Variants in ZNF214 observed in about 807,000 individuals in gnomAD.
ZNF214 encodes the protein zinc finger protein 214, also known as BWSCR2-associated zinc finger protein 1.
In ZNF214, 43 loss-of-function variants were observed where a neutral mutation model predicts 53.9. The observed-to-expected ratio is 0.80, with a 90% CI of 0.63 to 1.03. The LOEUF is 1.03. Ranked by LOEUF, ZNF214 falls within the 50% of genes least tolerant of loss-of-function variation. The pLI, the probability that ZNF214 is intolerant of heterozygous loss-of-function variation, is 0.00. For synonymous variants in ZNF214, 217 were observed against 229.5 expected, an observed-to-expected ratio of 0.95 and a Z score of 0.49; for missense variants, 724 against 719.1, an observed-to-expected ratio of 1.01 and a Z score of -0.08.
rs932489726 is a variant in ZNF214 at position 7,000,973 on chromosome 11, T to G, written c.710A>C (p.His237Pro). The change falls in exon 3 of 3, where the codon CAC becomes CCC. Residue 237 changes from histidine (H) to proline (P), a missense_variant. Coordinates refer to ENST00000278314, the MANE Select transcript of ZNF214 (RefSeq NM_013249.4). ...GTTTTCTCCAGGTTGATTTCTCTTGTGGAAAACACACCGTGAGTTCCAATA... is the reference window on the plus strand; with the variant it reads ...GTTTTCTCCAGGTTGATTTCTCTTGGGGAAAACACACCGTGAGTTCCAATA... ...IYYWNSRCVFHKRNQPGENLC... is the reference protein window; with the variant it reads ...IYYWNSRCVFPKRNQPGENLC... The G allele has an allele frequency of 3.7e-5, 59 of 1,612,942 alleles. No homozygotes were observed. The highest frequency in any genetic ancestry group is 1.0e-4 in the Admixed American group (6 of 59,858).
At chr11:7,015,059 AAG>A (rs1214500191) in intron 1 of ZNF214, among the ~76,000 whole-genome samples, 1 of 145,890 alleles carries the variant, frequency 6.9e-6, no homozygotes, top group East Asian at 1.9e-4. Flanking sequence ...AGTATACAAA[AAG>A]AGTTCAGACA....
At chr11:7,014,804 CA>C (rs1280725156) in intron 1 of ZNF214, among the ~76,000 whole-genome samples, 14,637 of 64,260 alleles carry the variant, frequency 0.23, 955 homozygotes, top group African/African-American at 0.3. Context: ...CTGTCTCTAA[CA>C]AAAAAAAAAA....
rs1356211885 is a variant in ZNF214, at chr11:6,998,665, T to C, written c.*1197A>G. Among the ~76,000 whole-genome samples, 3 of 152,106 alleles carry C rather than the reference T, an allele frequency of 2.0e-5. No homozygotes were observed. In the East Asian group the frequency reaches 5.8e-4, roughly 29 times the overall value. On this transcript the variant is annotated 3_prime_UTR_variant, in exon 3 of 3. Transcript: ENST00000278314. ...CTCTTCTCTACTTGTATATTTCTAC[T>C]CTATCTTTACTGAGTTCAGATTCTC...
intron 1 of ZNF214, among the ~76,000 whole-genome samples, chr11:7,014,032 C>A (rs1202006250): frequency 1.3e-5 from 2 of 152,062 alleles, no homozygotes; most frequent in Admixed American, 1.3e-4. Context: ...ATATCTTAAA[C>A]CCAAAGATAA....
rs750265398 is a variant in ZNF214, at chr11:7,000,193, G to A, written c.1490C>T (p.Pro497Leu). Residue 497 changes from proline to leucine, a missense_variant, in exon 3 of 3, where the codon CCC (proline) becomes CTC (leucine). Pro to Leu is a moderately conservative substitution (Grantham distance 98). Transcript: ENST00000278314. Reference protein sequence around the residue: ...THQRVHTGEKPYKCEECGKGF... With the variant: ...THQRVHTGEKLYKCEECGKGF... ...CTTGCCACACTCTTCACATTTGTAG[G>A]GTTTCTCTCCAGTATGTACTCTTTG... 1.2e-6 allele frequency: 2 copies of A among 1,613,218 alleles called. No individual in the cohort carries two copies. Among genetic ancestry groups the A allele is most frequent in the South Asian group, 1.1e-5 (1 of 91,046 alleles).
chr11:7,008,789 C>A (rs367908465), intron 1 of ZNF214, among the ~76,000 whole-genome samples: 1 of 152,132 alleles, frequency 6.6e-6, no homozygotes, highest in East Asian at 1.9e-4. Context: ...TATATACCAA[C>A]AACATCCAAG....
intron 1 of ZNF214, among the ~76,000 whole-genome samples, chr11:7,012,916 G>T (rs1435449029): frequency 6.6e-6 from 1 of 151,962 alleles, no homozygotes; most frequent in African/African-American, 2.4e-5. Flanking sequence ...ACAAATTCAG[G>T]AGTGGCTTAG....
chr11:7,010,837 T>G (rs1377127995), intron 1 of ZNF214, among the ~76,000 whole-genome samples: 1 of 150,694 alleles, frequency 6.6e-6, no homozygotes. Flanking sequence ...ACTTTTGACA[T>G]AAGATTTTTC....
At chr11:7,019,682 C>T (rs1851864868) in intron 1 of ZNF214, 1 of 152,208 alleles carries the variant, frequency 6.6e-6, no homozygotes, top group Non-Finnish European at 1.5e-5. Context: ...AGTTTCCTTA[C>T]CTGTAAAATG....
chr11:7,007,115 G>T (rs1288529978), intron 1 of ZNF214, among the ~76,000 whole-genome samples: 7 of 151,850 alleles, frequency 4.6e-5, no homozygotes, highest in Admixed American at 4.6e-4. Context: ...ATATAAGAGT[G>T]TGCTAAAGTC....
At chr11:7,012,679 A>G (rs892651945) in intron 1 of ZNF214, among the ~76,000 whole-genome samples, 16 of 152,224 alleles carry the variant, frequency 1.1e-4, no homozygotes, top group African/African-American at 3.9e-4. Flanking sequence ...AAATTTTCAA[A>G]GAACAGATTA....
In ZNF214 at chr11:7,000,154, C is replaced by T. The variant is rs148609230; in HGVS notation, c.1529G>A (p.Arg510His). ...CEECGKGFSQ[R>H]SHLLIHQRVH... ...TCTCTGATGAATGAGAAGATGTGAA[C>T]GCTGACTGAATCCCTTGCCACACTC... Residue 510 changes from arginine (R) to histidine (H), a missense_variant, in exon 3 of 3, where the codon CGT becomes CAT. Arg to His is a conservative substitution (Grantham distance 29). Coordinates refer to ENST00000278314, the MANE Select transcript of ZNF214 (RefSeq NM_013249.4). The T allele has an allele frequency of 1.5e-4, 246 of 1,613,284 alleles. 4 individuals are homozygous for T. The highest frequency in any genetic ancestry group is 1.3e-3 in the African/African-American group (101 of 74,940).
chr11:7,001,632 C>T (rs2133383750), intron 2 of ZNF214, 77 bp from the exon 3 acceptor site: 1 of 1,468,782 alleles, frequency 6.8e-7, no homozygotes, highest in Non-Finnish European at 9.1e-7. Context: ...AATCAATGAC[C>T]TTTAAATGAT....
intron 1 of ZNF214, among the ~76,000 whole-genome samples, chr11:7,015,612 T>C (rs1280216054): frequency 1.3e-5 from 2 of 151,822 alleles, no homozygotes; most frequent in African/African-American, 2.4e-5. Context: ...CAACAACAAA[T>C]AGGCTTGAAA....
chr11:7,008,719 TAAAC>T (rs1160345998), intron 1 of ZNF214, among the ~76,000 whole-genome samples: 1 of 152,128 alleles, frequency 6.6e-6, no homozygotes, highest in Non-Finnish European at 1.5e-5. Context: ...CTTTAGCTAA[TAAAC>T]AACTTCAGGA....
rs139622398 is a variant in ZNF214 at position 7,000,219 on chromosome 11, A to T, written c.1464T>A (p.His488Gln). The T allele has an allele frequency of 6.2e-6, 10 of 1,613,300 alleles. No individual in the cohort carries two copies. In the African/African-American group the frequency reaches 1.3e-4, roughly 22 times the overall value. The change falls in exon 3 of 3, where the codon CAT (histidine) becomes CAA (glutamine). Residue 488 changes from histidine (H) to glutamine (Q), a missense_variant. His to Gln is a conservative substitution (Grantham distance 24). Transcript: ENST00000278314. ...GFSKSSKLHT[H>Q]QRVHTGEKPY... ...GTTTCTCTCCAGTATGTACTCTTTG[A>T]TGAGTGTGAAGCTTTGAACTCTTAC...
intron 1 of ZNF214, among the ~76,000 whole-genome samples, chr11:7,011,931 C>A (rs556675035): frequency 6.6e-6 from 1 of 152,000 alleles, no homozygotes; most frequent in Non-Finnish European, 1.5e-5. Context: ...TTTCACATTC[C>A]AATAAAGAAG....
chr11:7,006,432 T>C (rs1382310071), intron 1 of ZNF214, among the ~76,000 whole-genome samples: 3 of 152,140 alleles, frequency 2.0e-5, no homozygotes, highest in African/African-American at 7.2e-5. Flanking sequence ...GTTAAAATCA[T>C]TCTCTATACA....
Position 7,001,158 on chromosome 11 carries a change from G to T in ZNF214, c.525C>A (p.Asn175Lys), listed in dbSNP as rs763690491. The stretch of plus-strand genomic sequence containing the variant: ...GCTTCTGTTCTTTTTCCATGGAGAG[G>T]TTTTTCCTGGATATGCCAAGACGGT... Reference protein sequence around the residue: ...GRYRLGISRKNLSMEKEQKLI... With the variant: ...GRYRLGISRKKLSMEKEQKLI... Residue 175 changes from asparagine (N) to lysine (K), a missense_variant, in exon 3 of 3, where the codon AAC becomes AAA. By Grantham distance (94) the Asn-to-Lys change is moderately conservative. Transcript: ENST00000278314. The T allele has an allele frequency of 6.2e-7, 1 of 1,613,266 alleles. No homozygotes were observed. The highest frequency in any genetic ancestry group is 1.3e-5 in the African/African-American group (1 of 74,942).
Sources: allele counts gnomAD v4.1 joint callset (sites outside exome capture counted in the v4.1 genomes callset), GRCh38; gene constraint gnomAD v4.1.1; transcripts MANE v1.5; gene names NCBI Gene and HGNC (gene_info 2026-07-23, HGNC 2026-07-21).